Variants in PATJ observed in about 807,000 individuals in gnomAD.
The protein encoded by PATJ is inaD-like protein.
PATJ carries 190 observed loss-of-function variants against 224.9 expected under a neutral mutation model. The ratio of observed to expected loss-of-function variants is 0.84; its 90% CI spans 0.75 to 0.95. PATJ has a LOEUF of 0.95. Ranked by LOEUF, PATJ falls within the 40% of genes least tolerant of loss-of-function variation. PATJ has a pLI of 0.00. For synonymous variants in PATJ, 769 were observed against 820.3 expected, an observed-to-expected ratio of 0.94 and a Z score of 1.07; for missense variants, 2,121 against 2,270.3, an observed-to-expected ratio of 0.93 and a Z score of 1.34.
chr1:62,121,638 A>T (rs1665062989), intron 38 of PATJ, among the ~76,000 whole-genome samples: 1 of 151,998 alleles, frequency 6.6e-6, no homozygotes, highest in Admixed American at 6.6e-5. Flanking sequence ...GCGTGGTGGC[A>T]TACGCCTGTA....
intron 7 of PATJ, among the ~76,000 whole-genome samples, chr1:61,782,754 C>G (rs1298724798): frequency 2.0e-5 from 3 of 152,138 alleles, no homozygotes; most frequent in African/African-American, 4.8e-5. Flanking sequence ...GAAACACTCA[C>G]CTTGAGAACA....
intron 29 of PATJ, among the ~76,000 whole-genome samples, chr1:62,020,601 C>T (rs559005630): frequency 6.6e-6 from 1 of 152,268 alleles, no homozygotes; most frequent in East Asian, 1.9e-4. Flanking sequence ...CTGATTATTT[C>T]AGTTTTGATC....
At chr1:62,073,819 A>G (rs1454228667) in intron 31 of PATJ, among the ~76,000 whole-genome samples, 1 of 152,166 alleles carries the variant, frequency 6.6e-6, no homozygotes, top group Non-Finnish European at 1.5e-5. Flanking sequence ...CTGAGACTCC[A>G]TCTCCAAAAA....
chr1:62,033,818 A>G (rs2148489923), intron 29 of PATJ, among the ~76,000 whole-genome samples: 1 of 152,306 alleles, frequency 6.6e-6, no homozygotes, highest in African/African-American at 2.4e-5. Context: ...TTTGTTCAAC[A>G]GACATTTACA....
intron 29 of PATJ, among the ~76,000 whole-genome samples, chr1:62,031,614 C>T (rs1174329890): frequency 6.6e-6 from 1 of 152,136 alleles, no homozygotes; most frequent in Non-Finnish European, 1.5e-5. Flanking sequence ...GGGATTTTAA[C>T]TTGCGTATAT....
At chr1:62,082,239 G>T (rs1056665236) in intron 32 of PATJ, among the ~76,000 whole-genome samples, 1 of 152,106 alleles carries the variant, frequency 6.6e-6, no homozygotes, top group Non-Finnish European at 1.5e-5. Context: ...TTAACCAGGA[G>T]GCCTTTAGAT....
chr1:61,983,790 A>C lies in PATJ; in HGVS notation c.3671-6378A>C, dbSNP rs556376154. 3.3e-5 allele frequency among the ~76,000 whole-genome samples: 5 copies of C among 152,146 alleles called. No homozygotes were observed. In the South Asian group the frequency reaches 1.0e-3, roughly 32 times the overall value. On this transcript the variant is annotated intron_variant, in intron 27 of 43. Transcript: ENST00000642238. ...GGGAGGGAAGTCGAAGGAAATAAGG[A>C]ATCTAAAAAGATACTTTTCAGCTAG...
chr1:61,812,439 T>A (rs149778370), intron 14 of PATJ, among the ~76,000 whole-genome samples: 18,732 of 102,990 alleles, frequency 0.18, 1,194 homozygotes, highest in Non-Finnish European at 0.22. Context: ...AGAGAGTGTG[T>A]GTGTGTGTGT....
Position 62,084,378 on chromosome 1 carries a change from T to C in PATJ, c.4244-137T>C, listed in dbSNP as rs138823154. The C allele has an allele frequency of 1.3e-3, 1,080 of 854,946 alleles. 25 individuals carry two copies. The South Asian group carries it at 0.021, about 17-fold the overall frequency. The allele number at this position is 854,946 out of a possible 1,614,324, so 53.0% of individuals were successfully genotyped here. A position where few individuals can be genotyped will look rare whatever the true frequency, so the allele number is the denominator to read the frequency against. ...GCTGAAGAGGCAGGAATGACCCAGCTTTTTGCTTCATGGTGTTTGGCAGGA... is the reference window on the plus strand; with the variant it reads ...GCTGAAGAGGCAGGAATGACCCAGCCTTTTGCTTCATGGTGTTTGGCAGGA... On this transcript the variant is annotated intron_variant, in intron 32 of 43. Transcript: ENST00000642238.
At chr1:61,779,668 G>A (rs1162414894) in intron 7 of PATJ, among the ~76,000 whole-genome samples, 3 of 152,162 alleles carry the variant, frequency 2.0e-5, no homozygotes. Context: ...GTACTACTTT[G>A]TAATTCCTAT....
intron 7 of PATJ, among the ~76,000 whole-genome samples, chr1:61,783,647 AG>A (rs1647848705): frequency 1.3e-5 from 2 of 150,444 alleles, no homozygotes; most frequent in African/African-American, 4.9e-5. Context: ...GAATTCCTAT[AG>A]GTTTAAAATT....
intron 19 of PATJ, among the ~76,000 whole-genome samples, chr1:61,862,954 A>G (rs1461380725): frequency 5.9e-5 from 9 of 151,566 alleles, no homozygotes; most frequent in Admixed American, 5.9e-4. Flanking sequence ...AAAATTTCAT[A>G]ACCATATGAT....
chr1:61,803,504 C>A (rs567446126), intron 12 of PATJ, among the ~76,000 whole-genome samples: 1 of 152,214 alleles, frequency 6.6e-6, no homozygotes, highest in African/African-American at 2.4e-5. Flanking sequence ...TAAATCAAGT[C>A]CTACTTGCTA....
intron 7 of PATJ, among the ~76,000 whole-genome samples, chr1:61,779,462 G>A (rs1282763447): frequency 1.3e-5 from 2 of 152,200 alleles, no homozygotes; most frequent in African/African-American, 4.8e-5. Flanking sequence ...ATCATTGAGG[G>A]TAATTTTCCT....
At chr1:61,955,130 A>C (rs1446533414) in intron 27 of PATJ, among the ~76,000 whole-genome samples, 1 of 152,166 alleles carries the variant, frequency 6.6e-6, no homozygotes, top group Non-Finnish European at 1.5e-5. Context: ...ATTCCATGTT[A>C]GTATTATTAT....
At chr1:62,111,340 C>T (rs1293686284) in intron 34 of PATJ, among the ~76,000 whole-genome samples, 3 of 152,092 alleles carry the variant, frequency 2.0e-5, no homozygotes, top group African/African-American at 7.2e-5. Context: ...CATTCACAGA[C>T]AATGAAAATG....
At chr1:62,052,439 TAAA>T (rs554528489) in intron 31 of PATJ, among the ~76,000 whole-genome samples, 6 of 111,460 alleles carry the variant, frequency 5.4e-5, no homozygotes, top group Non-Finnish European at 7.5e-5. Context: ...AGAGATTGAC[TAAA>T]AAAAAAAAAA....
chr1:62,120,306 G>A (rs1470055963), intron 37 of PATJ, among the ~76,000 whole-genome samples: 1 of 151,990 alleles, frequency 6.6e-6, no homozygotes, highest in East Asian at 1.9e-4. Flanking sequence ...ATATTTGAAG[G>A]TTTTCATATT....
Position 61,769,342 on chromosome 1 carries a change from T to G in PATJ, c.444T>G (p.Ser148Arg). Residue 148 changes from serine to arginine, a missense_variant, in exon 5 of 44, where the codon AGT (serine) becomes AGG (arginine). Transcript: ENST00000642238. Reference protein sequence around the residue: ...ERPSTGGLGFSVVALRSQNLG... With the variant: ...ERPSTGGLGFRVVALRSQNLG... ...CTTCAACTGGAGGCCTTGGATTCAGTGTGGTGGCCCTCAGAAGTCAAAATC... is the reference window on the plus strand; with the variant it reads ...CTTCAACTGGAGGCCTTGGATTCAGGGTGGTGGCCCTCAGAAGTCAAAATC... The G allele has an allele frequency of 6.2e-7, 1 of 1,614,050 alleles. No homozygotes were observed. Among genetic ancestry groups the G allele is most frequent in the Non-Finnish European group, 8.5e-7 (1 of 1,179,978 alleles).
Sources: gnomAD v4.1 joint callset for allele counts (sites outside exome capture counted in the v4.1 genomes callset) on GRCh38, gnomAD v4.1.1 for gene constraint, MANE v1.5 for transcripts, NCBI Gene and HGNC (gene_info 2026-07-23, HGNC 2026-07-21) for gene names.